Variants in ERC2 observed in about 807,000 individuals in gnomAD.
ERC2 encodes ELKS/RAB6-interacting/CAST family member 2.
In ERC2, 42 loss-of-function variants were observed where a neutral mutation model predicts 114.8. The ratio of observed to expected loss-of-function variants is 0.37; its 90% confidence interval spans 0.29 to 0.47. The LOEUF (loss-of-function observed/expected upper bound fraction) is 0.47. Ranked by LOEUF, ERC2 falls within the 20% of genes least tolerant of loss-of-function variation. The pLI, the probability that ERC2 is intolerant of heterozygous loss-of-function variation, is 0.99. For missense variants in ERC2, 939 were observed against 1,150.7 expected (o/e 0.82, Z 2.66); for synonymous variants, 454 against 425.5 (o/e 1.07, Z -0.82).
At chr3:56,082,914 T>C (rs542379338) in intron 6 of ERC2, among the ~76,000 whole-genome samples, 1 of 152,130 alleles carries the variant, frequency 6.6e-6, no homozygotes, top group Non-Finnish European at 1.5e-5. Context: ...TGGGGTTCAC[T>C]CTCCTATGAC....
In ERC2 at chr3:55,683,878, G is replaced by A. The variant is rs778618410; in HGVS notation, c.2848-19C>T. On this transcript the variant is annotated intron_variant, in intron 16 of 17. Coordinates refer to ENST00000288221, the MANE Select transcript of ERC2 (RefSeq NM_015576.3). ...CGTCATCCTGCGGCCGGCCCGAGGT[G>A]GGGAGGTGCACAGAGAGGAGGGGAG... The A allele has an allele frequency of 2.5e-6, 4 of 1,611,774 alleles. No homozygotes were observed. Among genetic ancestry groups the A allele is most frequent in the Admixed American group, 3.4e-5 (2 of 59,668 alleles).
intron 3 of ERC2, among the ~76,000 whole-genome samples, chr3:56,215,399 C>T (rs2049388259): frequency 6.6e-6 from 1 of 152,120 alleles, no homozygotes; most frequent in Non-Finnish European, 1.5e-5. Context: ...ACAAAGAAGG[C>T]CATTACATAA....
At chr3:55,590,789 C>G (rs2057837375) in intron 17 of ERC2, among the ~76,000 whole-genome samples, 1 of 152,208 alleles carries the variant, frequency 6.6e-6, no homozygotes, top group Non-Finnish European at 1.5e-5. Context: ...ACTGCCAAGA[C>G]AGGTTGTGGA....
intron 14 of ERC2, among the ~76,000 whole-genome samples, chr3:55,877,104 AG>A (rs1282408623): frequency 1.3e-5 from 2 of 152,196 alleles, no homozygotes; most frequent in African/African-American, 4.8e-5. Context: ...GGCTAGTTAC[AG>A]GTTCCTCAAC....
chr3:56,219,936 G>A (rs1389542741), intron 3 of ERC2, among the ~76,000 whole-genome samples: 1 of 152,166 alleles, frequency 6.6e-6, no homozygotes, highest in South Asian at 2.1e-4. Flanking sequence ...TTGCCCACAC[G>A]TGGCTGTTAG....
At position 56,320,580 on chromosome 3, in the gene ERC2, A is replaced by T. The variant is rs59644274; in HGVS notation, c.658-24145T>A. On this transcript the variant is annotated intron_variant, in intron 2 of 17. Transcript: ENST00000288221. ...TGGGAATTGGCAAACACTAAAAAAC[A>T]GGATTTTTTTGCCCCTGGGGGACCA... is the stretch of plus-strand genomic sequence containing the variant. Among the ~76,000 whole-genome samples the T allele has an allele frequency of 8.6e-3, 1,313 of 152,316 alleles. 77 individuals are homozygous for T. The East Asian group carries it at 0.16, about 18-fold the overall frequency.
chr3:56,291,174 C>T (rs575005463), intron 3 of ERC2, among the ~76,000 whole-genome samples: 46 of 152,110 alleles, frequency 3.0e-4, no homozygotes, highest in African/African-American at 9.9e-4. Context: ...AATACTTGAT[C>T]GCTAAAACTT....
chr3:56,161,008 G>C (rs1039174229), intron 4 of ERC2, among the ~76,000 whole-genome samples: 1 of 152,172 alleles, frequency 6.6e-6, no homozygotes, highest in Non-Finnish European at 1.5e-5. Context: ...AATGTTGGAG[G>C]TGGGGCCTGG....
chr3:55,702,126 C>G (rs183987380), intron 15 of ERC2, among the ~76,000 whole-genome samples: 35 of 152,296 alleles, frequency 2.3e-4, no homozygotes, highest in Non-Finnish European at 4.6e-4. Flanking sequence ...ACAAGCTAAA[C>G]AAGATGCTAT....
chr3:56,081,539 G>T (rs199614019), intron 6 of ERC2, among the ~76,000 whole-genome samples: 2 of 148,476 alleles, frequency 1.3e-5, no homozygotes, highest in Non-Finnish European at 3.0e-5. Context: ...AGCCTCATGA[G>T]ACTGCTTTCC....
chr3:55,681,067 A>G (rs1316975648), intron 17 of ERC2, among the ~76,000 whole-genome samples: 2 of 152,050 alleles, frequency 1.3e-5, no homozygotes, highest in Non-Finnish European at 2.9e-5. Flanking sequence ...GAGGTTTAAG[A>G]GGGGAAAGGC....
chr3:56,338,449 G>C (rs547506287), intron 2 of ERC2, among the ~76,000 whole-genome samples: 1 of 152,150 alleles, frequency 6.6e-6, no homozygotes, highest in African/African-American at 2.4e-5. Flanking sequence ...CCTGGTGGGG[G>C]ATGAGAGACA....
intron 2 of ERC2, among the ~76,000 whole-genome samples, chr3:56,324,113 C>A (rs1427905914): frequency 6.6e-6 from 1 of 152,152 alleles, no homozygotes; most frequent in African/African-American, 2.4e-5. Flanking sequence ...CAGTTCCTAT[C>A]CCTAAACAAT....
chr3:56,067,152 G>A (rs1158398000), intron 7 of ERC2, among the ~76,000 whole-genome samples: 1 of 152,148 alleles, frequency 6.6e-6, no homozygotes, highest in Non-Finnish European at 1.5e-5. Flanking sequence ...GGGCAGCATG[G>A]CCATTTTCAC....
At chr3:56,397,205 C>G (rs577216132) in intron 2 of ERC2, among the ~76,000 whole-genome samples, 3 of 152,100 alleles carry the variant, frequency 2.0e-5, no homozygotes, top group South Asian at 2.1e-4. Flanking sequence ...AAAAATGGGC[C>G]GGGCACAGTG....
intron 14 of ERC2, among the ~76,000 whole-genome samples, chr3:55,850,148 G>T (rs1156466933): frequency 6.6e-6 from 1 of 152,096 alleles, no homozygotes; most frequent in Non-Finnish European, 1.5e-5. Context: ...GCGAACTTCT[G>T]GTCTGTGTCT....
chr3:56,211,921 C>G (rs777683427), intron 3 of ERC2, among the ~76,000 whole-genome samples: 6 of 152,156 alleles, frequency 3.9e-5, no homozygotes, highest in Non-Finnish European at 4.4e-5. Flanking sequence ...GAAACTGGAT[C>G]CTCATCTCTC....
At chr3:56,322,853 A>G (rs907150081) in intron 2 of ERC2, among the ~76,000 whole-genome samples, 1 of 152,180 alleles carries the variant, frequency 6.6e-6, no homozygotes, top group African/African-American at 2.4e-5. Context: ...ATCAAAACTC[A>G]TGGTGAAATT....
chr3:56,035,112 A>G (rs972334701), intron 7 of ERC2, among the ~76,000 whole-genome samples: 1 of 152,114 alleles, frequency 6.6e-6, no homozygotes, highest in African/African-American at 2.4e-5. Flanking sequence ...CCTCAAATAA[A>G]TAAAATTATA....
Sources: gnomAD v4.1 joint callset for allele counts (sites outside exome capture counted in the v4.1 genomes callset) on GRCh38, gnomAD v4.1.1 for gene constraint, MANE v1.5 for transcripts, NCBI Gene and HGNC (gene_info 2026-07-23, HGNC 2026-07-21) for gene names.